FYB2: variants seen among roughly 807,000 people sequenced by gnomAD.
FYB2 encodes the protein FYN-binding protein 2.
In FYB2, 103 loss-of-function variants were observed where a neutral mutation model predicts 94.1. The observed-to-expected ratio is 1.09, with a 90% CI of 0.93 to 1.29. The LOEUF (loss-of-function observed/expected upper bound fraction) is 1.29, where lower values mean the gene tolerates loss of function less well. FYB2 is among the 50% of genes most tolerant of loss of function. The pLI is 0.00. For synonymous variants in FYB2, 293 were observed against 287.9 expected (o/e 1.02, Z -0.18); for missense variants, 896 against 841.5 (o/e 1.06, Z -0.80).
chr1:56,719,421 C>G lies in FYB2; in HGVS notation c.*250G>C. 2.3e-6 allele frequency: 1 copy of G among 429,898 alleles called. No homozygotes were observed. Among genetic ancestry groups the G allele is most frequent in the East Asian group, 3.6e-5 (1 of 27,976 alleles). 26.6% of individuals were successfully genotyped at this position (429,898 alleles called of 1,614,324 possible). ...GCTCAAATGCTAACACATACTGTTT[C>G]ACATTCTCTTGAACTGACAGTGAAG... is the stretch of plus-strand genomic sequence containing the variant. On this transcript the variant is annotated 3_prime_UTR_variant, in exon 20 of 20. Coordinates refer to ENST00000343433, the MANE Select transcript of FYB2 (RefSeq NM_001004303.5).
At chr1:56,769,503 G>C (rs1022298587) in intron 4 of FYB2, among the ~76,000 whole-genome samples, 1 of 151,978 alleles carries the variant, frequency 6.6e-6, no homozygotes, top group Non-Finnish European at 1.5e-5. Context: ...TGATGTAAAG[G>C]AGTCAATATT....
At chr1:56,772,179 GTAAAT>G (rs1201345033) in intron 4 of FYB2, among the ~76,000 whole-genome samples, 3 of 152,006 alleles carry the variant, frequency 2.0e-5, no homozygotes, top group African/African-American at 7.2e-5. Flanking sequence ...TTGGTCTATG[GTAAAT>G]TAATTTTATT....
chr1:56,748,404 C>G (rs1371284659), intron 9 of FYB2, among the ~76,000 whole-genome samples: 1 of 151,796 alleles, frequency 6.6e-6, no homozygotes, highest in Admixed American at 6.6e-5. Flanking sequence ...TCTTTAATCC[C>G]TCTTGAGTTA....
chr1:56,732,060 C>A (rs1048842194), intron 15 of FYB2: 1 of 151,990 alleles, frequency 6.6e-6, no homozygotes, highest in Non-Finnish European at 1.5e-5. Context: ...TGTTTGCAGA[C>A]GACATGATCT....
At chr1:56,729,386 G>A (rs1054446760) in intron 15 of FYB2, among the ~76,000 whole-genome samples, 1 of 152,004 alleles carries the variant, frequency 6.6e-6, no homozygotes, top group Non-Finnish European at 1.5e-5. Flanking sequence ...AAGAGGAGAA[G>A]GAATAACAGA....
intron 7 of FYB2, among the ~76,000 whole-genome samples, chr1:56,754,297 C>T (rs1645273638): frequency 6.6e-6 from 1 of 152,102 alleles, no homozygotes; most frequent in Non-Finnish European, 1.5e-5. Context: ...TCAAACCCAC[C>T]ACCCTATTTG....
At chr1:56,734,183 CT>C (rs1306408310) in intron 15 of FYB2, among the ~76,000 whole-genome samples, 2 of 152,014 alleles carry the variant, frequency 1.3e-5, no homozygotes, top group Non-Finnish European at 2.9e-5. Flanking sequence ...TTCTTTGTGT[CT>C]TTTGATCTTT....
At chr1:56,789,462 C>T (rs1474203712) in intron 2 of FYB2, among the ~76,000 whole-genome samples, 1 of 152,188 alleles carries the variant, frequency 6.6e-6, no homozygotes, top group African/African-American at 2.4e-5. Flanking sequence ...CTGGCTTCTC[C>T]ATTCTCCGTA....
intron 5 of FYB2, among the ~76,000 whole-genome samples, chr1:56,760,595 T>C (rs145382065): frequency 1.8e-3 from 281 of 152,228 alleles, no homozygotes; most frequent in African/African-American, 6.4e-3. Context: ...AAAATAATAA[T>C]CTCCTCCTTT....
chr1:56,743,281 AGGG>A (rs1644996189), intron 11 of FYB2, among the ~76,000 whole-genome samples: 1 of 151,988 alleles, frequency 6.6e-6, no homozygotes, highest in African/African-American at 2.4e-5. Context: ...GCATTATGCT[AGGG>A]GCTGGAGAAA....
At position 56,744,022 on chromosome 1, in the gene FYB2, T is replaced by C. The variant is rs1156845; in HGVS notation, c.1543+4A>G. The C allele has an allele frequency of 0.14, 218,429 of 1,611,310 alleles. 15,823 individuals are homozygous for C. Among genetic ancestry groups the C allele is most frequent in the Admixed American group, 0.24 (14,242 of 59,800 alleles). Reference sequence around the variant, plus strand: ...CAACTTCAGAAATGTCTTCCTATACTTACCACTACTTGAGGCAAGTGAGCT... The same window carrying C: ...CAACTTCAGAAATGTCTTCCTATACCTACCACTACTTGAGGCAAGTGAGCT... On this transcript the variant is annotated splice_donor_region_variant and intron_variant, in intron 11 of 19. Transcript: ENST00000343433.
At position 56,810,482 on chromosome 1, in the gene FYB2, G is replaced by A. The variant is rs1274867090; in HGVS notation, c.9+8800C>T. 2.0e-5 allele frequency among the ~76,000 whole-genome samples: 3 copies of A among 152,016 alleles called. No individual in the cohort carries two copies. The East Asian group carries it at 5.8e-4, about 29-fold the overall frequency. ...CTCTGTAAACATTTAGTTCTGCTCTGTTTAGACTTAGACTCAATTCACACA... is the reference window on the plus strand; with the variant it reads ...CTCTGTAAACATTTAGTTCTGCTCTATTTAGACTTAGACTCAATTCACACA... On this transcript the variant is annotated intron_variant, in intron 1 of 19. Coordinates refer to ENST00000343433, the MANE Select transcript of FYB2 (RefSeq NM_001004303.5).
chr1:56,814,302 T>TG (rs1646832612), intron 1 of FYB2, among the ~76,000 whole-genome samples: 1 of 152,194 alleles, frequency 6.6e-6, no homozygotes, highest in Non-Finnish European at 1.5e-5. Flanking sequence ...CTGTGGGCAA[T>TG]GGGGAACAAC....
chr1:56,727,404 T>C (rs1338890900), intron 15 of FYB2, among the ~76,000 whole-genome samples: 8 of 152,078 alleles, frequency 5.3e-5, no homozygotes, highest in African/African-American at 1.9e-4. Context: ...TCTGTGGCAG[T>C]ATTATTTGTA....
At chr1:56,761,189 C>T (rs943915775) in intron 5 of FYB2, among the ~76,000 whole-genome samples, 3 of 152,106 alleles carry the variant, frequency 2.0e-5, no homozygotes, top group African/African-American at 4.8e-5. Flanking sequence ...TCTTTTACAC[C>T]TGGAGGTGAA....
intron 4 of FYB2, among the ~76,000 whole-genome samples, chr1:56,773,586 C>T (rs914561172): frequency 2.6e-5 from 4 of 152,048 alleles, no homozygotes; most frequent in Admixed American, 6.6e-5. Flanking sequence ...GCCTGACAGG[C>T]GAGTTTCCTT....
In FYB2 at chr1:56,726,482, C is replaced by T; in HGVS notation, c.1880+15G>A. The T allele has an allele frequency of 4.4e-6, 7 of 1,606,720 alleles. No homozygotes were observed. Among genetic ancestry groups the T allele is most frequent in the Non-Finnish European group, 6.0e-6 (7 of 1,175,928 alleles). On this transcript the variant is annotated intron_variant, in intron 16 of 19. Coordinates refer to ENST00000343433, the MANE Select transcript of FYB2 (RefSeq NM_001004303.5). ...CAGCAGATAAGCTATAATAGAAGTG[C>T]CTCTGTGTTCCCACCTTTCTGATTC...
intron 4 of FYB2, among the ~76,000 whole-genome samples, chr1:56,783,911 T>C (rs748035789): frequency 3.4e-4 from 52 of 152,140 alleles, no homozygotes; most frequent in Non-Finnish European, 5.1e-4. Flanking sequence ...TTCTTGCCCT[T>C]GCTGGGAGGT....
intron 4 of FYB2, among the ~76,000 whole-genome samples, chr1:56,771,000 T>G (rs11206914): frequency 6.6e-6 from 1 of 151,910 alleles, no homozygotes; most frequent in Non-Finnish European, 1.5e-5. Flanking sequence ...TATGGAGAAA[T>G]AGGAAATCTT....
Sources: gnomAD v4.1 joint callset for allele counts (sites outside exome capture counted in the v4.1 genomes callset) on GRCh38, gnomAD v4.1.1 for gene constraint, MANE v1.5 for transcripts, NCBI Gene and HGNC (gene_info 2026-07-23, HGNC 2026-07-21) for gene names.